Variants in STK32B observed in about 807,000 individuals in gnomAD.
STK32B encodes the protein serine/threonine-protein kinase 32B.
In STK32B, 43 loss-of-function variants were observed where a neutral mutation model predicts 52.6. That is an observed-to-expected ratio of 0.82 (90% CI 0.64 to 1.05). The LOEUF (loss-of-function observed/expected upper bound fraction) is 1.05, where lower values mean the gene tolerates loss of function less well. Among genes scored for constraint, STK32B ranks in the 50% least tolerant of loss-of-function variants. The pLI is 0.00. For missense variants in STK32B, 621 were observed against 534.6 expected (o/e 1.16, Z -1.59); for synonymous variants, 238 against 204.3 (o/e 1.17, Z -1.41).
intron 1 of STK32B, among the ~76,000 whole-genome samples, chr4:5,077,466 C>A (rs978302547): frequency 1.3e-5 from 2 of 152,102 alleles, no homozygotes; most frequent in Non-Finnish European, 2.9e-5. Flanking sequence ...CTTTGGAATT[C>A]TCTTTAAGAC....
At chr4:5,366,117 G>T (rs981549020) in intron 4 of STK32B, among the ~76,000 whole-genome samples, 1 of 152,076 alleles carries the variant, frequency 6.6e-6, no homozygotes, top group African/African-American at 2.4e-5. Flanking sequence ...GAGAGGTGGT[G>T]AGCCAAGGGC....
rs751590603 is a variant in STK32B, at chr4:5,181,329, G to GACACACACACAC, written c.260+12907_260+12918dup. On this transcript the variant is annotated intron_variant, in intron 3 of 11. Transcript: ENST00000282908. The stretch of plus-strand genomic sequence containing the variant: ...AAAAGAAGAGAAAGATGGAGAGTGA[G>GACACACACACAC]ACACACACACACACACACACACACA... Among the ~76,000 whole-genome samples the GACACACACACAC allele has an allele frequency of 3.9e-3, 534 of 138,104 alleles. 4 individuals carry two copies. The highest frequency in any genetic ancestry group is 0.013 in the East Asian group (59 of 4,390). The allele number at this position is 138,104 out of a possible 152,430, so 90.6% of individuals were successfully genotyped here.
chr4:5,370,302 A>G (rs930472624), intron 4 of STK32B, among the ~76,000 whole-genome samples: 2 of 152,230 alleles, frequency 1.3e-5, no homozygotes, highest in African/African-American at 4.8e-5. Flanking sequence ...CTGACTTGGT[A>G]CCTGCCACAT....
intron 3 of STK32B, among the ~76,000 whole-genome samples, chr4:5,240,433 A>T (rs1724943051): frequency 6.6e-6 from 1 of 151,954 alleles, no homozygotes. Context: ...ACCTTTTGAC[A>T]TGTAGAAGTT....
intron 3 of STK32B, among the ~76,000 whole-genome samples, chr4:5,183,234 T>C (rs1238788727): frequency 3.3e-5 from 5 of 152,138 alleles, no homozygotes; most frequent in Non-Finnish European, 7.3e-5. Flanking sequence ...TCCCAGCACA[T>C]TGGGAACCCG....
intron 6 of STK32B, among the ~76,000 whole-genome samples, chr4:5,431,732 C>G (rs890851061): frequency 1.3e-5 from 2 of 152,136 alleles, no homozygotes; most frequent in African/African-American, 4.8e-5. Flanking sequence ...CTTTCTATTG[C>G]TAGCAATGCT....
intron 3 of STK32B, among the ~76,000 whole-genome samples, chr4:5,238,922 C>A (rs1339445706): frequency 6.6e-6 from 1 of 152,148 alleles, no homozygotes; most frequent in Non-Finnish European, 1.5e-5. Context: ...TCTGTAACAG[C>A]AATTAAAAGA....
chr4:5,200,866 A>C (rs953913355), intron 3 of STK32B, among the ~76,000 whole-genome samples: 2 of 152,186 alleles, frequency 1.3e-5, no homozygotes, highest in African/African-American at 4.8e-5. Flanking sequence ...ACTAAGGTTC[A>C]GGCATCAGTA....
chr4:5,168,533 C>G (rs142796770), intron 3 of STK32B, 83 bp downstream of exon 3: 2 of 1,445,054 alleles, frequency 1.4e-6, no homozygotes, highest in African/African-American at 1.4e-5. Flanking sequence ...AGGGACTCTT[C>G]CGCATTGTAA....
At chr4:5,309,032 G>A (rs1409065393) in intron 3 of STK32B, among the ~76,000 whole-genome samples, 1 of 152,020 alleles carries the variant, frequency 6.6e-6, no homozygotes, top group Non-Finnish European at 1.5e-5. Flanking sequence ...TCTTATGGGT[G>A]ATAAATGAAT....
At chr4:5,267,941 G>T (rs909486148) in intron 3 of STK32B, among the ~76,000 whole-genome samples, 2 of 152,166 alleles carry the variant, frequency 1.3e-5, no homozygotes, top group African/African-American at 4.8e-5. Context: ...GATGGTTACC[G>T]ACTCTGAGAA....
At chr4:5,160,879 G>T (rs1217001169) in intron 2 of STK32B, among the ~76,000 whole-genome samples, 1 of 152,178 alleles carries the variant, frequency 6.6e-6, no homozygotes, top group African/African-American at 2.4e-5. Context: ...GTCAGAGTTG[G>T]CTTAGTTGGT....
Position 5,460,074 on chromosome 4 carries a change from A to G in STK32B, c.784-29A>G, listed in dbSNP as rs2301856. ...GCTAACCTTGAGGGATGCCCAATTC[A>G]TGGAAACTCATTTGCCCTCTAACTG... is the stretch of plus-strand genomic sequence containing the variant. On this transcript the variant is annotated intron_variant, in intron 8 of 11. Coordinates refer to ENST00000282908, the MANE Select transcript of STK32B (RefSeq NM_018401.3). The surrounding 1 kb of genome is among the most constrained non-coding windows in gnomAD (Gnocchi z 4.8). 256,111 of 1,613,946 alleles carry G rather than the reference A, an allele frequency of 0.16. 23,318 individuals carry two copies. Among genetic ancestry groups the G allele is most frequent in the East Asian group, 0.39 (17,611 of 44,866 alleles).
chr4:5,409,755 T>G (rs1473404941), intron 5 of STK32B, among the ~76,000 whole-genome samples: 2 of 152,090 alleles, frequency 1.3e-5, no homozygotes, highest in Non-Finnish European at 2.9e-5. Flanking sequence ...TGTCACTGGT[T>G]GTTGTTTTCC....
chr4:5,126,884 G>A (rs1199267478), intron 1 of STK32B, among the ~76,000 whole-genome samples: 2 of 152,156 alleles, frequency 1.3e-5, no homozygotes, highest in Admixed American at 6.5e-5. Context: ...CAGGGTCTGG[G>A]ACCTAATTTG....
At chr4:5,159,996 C>T (rs1218456372) in intron 2 of STK32B, among the ~76,000 whole-genome samples, 4 of 152,026 alleles carry the variant, frequency 2.6e-5, no homozygotes, top group African/African-American at 9.7e-5. Context: ...TTCAGGCCTT[C>T]AACAGGTTGG....
chr4:5,251,116 T>C (rs769676303), intron 3 of STK32B, among the ~76,000 whole-genome samples: 2 of 152,198 alleles, frequency 1.3e-5, no homozygotes, highest in Non-Finnish European at 2.9e-5. Flanking sequence ...GGCATCTTCA[T>C]CATGAAACCT....
intron 6 of STK32B, among the ~76,000 whole-genome samples, chr4:5,440,794 A>C (rs980939175): frequency 1.5e-4 from 23 of 152,186 alleles, no homozygotes; most frequent in African/African-American, 4.3e-4. Context: ...TACCTAATTT[A>C]TTGAGAGTTT....
At chr4:5,233,258 G>T (rs16836918) in intron 3 of STK32B, among the ~76,000 whole-genome samples, 325 of 152,280 alleles carry the variant, frequency 2.1e-3, no homozygotes, top group African/African-American at 7.4e-3. Flanking sequence ...CTAAGGCAAG[G>T]TTATGTGGTA....
Sources: gnomAD v4.1 joint callset for allele counts (sites outside exome capture counted in the v4.1 genomes callset) on GRCh38, gnomAD v4.1.1 for gene constraint, Gnocchi (gnomAD v3.1) non-coding constraint, MANE v1.5 for transcripts, NCBI Gene and HGNC (gene_info 2026-07-23, HGNC 2026-07-21) for gene names.